COL23A1: variants seen among roughly 807,000 people sequenced by gnomAD.
The protein encoded by COL23A1 is collagen alpha-1(XXIII) chain.
Under a neutral mutation model 99.3 loss-of-function variants are expected in COL23A1, and 97 were observed. The observed-to-expected ratio is 0.98, with a 90% CI of 0.83 to 1.16. The LOEUF (loss-of-function observed/expected upper bound fraction) is 1.16. COL23A1 is among the 50% of genes most tolerant of loss of function. The probability of loss-of-function intolerance (pLI) is 0.00; values close to 1 mark genes in which losing one functional copy is unlikely to be tolerated. For synonymous variants in COL23A1, 320 were observed against 308.2 expected, an observed-to-expected ratio of 1.04 and a Z score of -0.40; for missense variants, 762 against 757.4, an observed-to-expected ratio of 1.01 and a Z score of -0.07.
At position 178,357,718 on chromosome 5, in the gene COL23A1, A is replaced by ATG. The variant is rs144352054; in HGVS notation, c.362-50801_362-50800dup. ...GTCAGGTCAGATTTAAAATGTGTGT[A>ATG]TGTGTGTGTGTGTGTGTGTATGTAC... On this transcript the variant is annotated intron_variant, in intron 2 of 28. Transcript: ENST00000390654. Among the ~76,000 whole-genome samples, 853 of 145,952 alleles carry ATG rather than the reference A, an allele frequency of 5.8e-3. 3 individuals are homozygous for ATG. The highest frequency in any genetic ancestry group is 0.013 in the African/African-American group (512 of 40,592).
intron 1 of COL23A1, among the ~76,000 whole-genome samples, chr5:178,569,148 T>C (rs1040486249): frequency 6.6e-6 from 1 of 152,208 alleles, no homozygotes; most frequent in Non-Finnish European, 1.5e-5. Flanking sequence ...TAATGACAAA[T>C]GATGTCGAGA....
At position 178,379,198 on chromosome 5, in the gene COL23A1, AC is replaced by A. The variant is rs201903759; in HGVS notation, c.362-72280del. Among the ~76,000 whole-genome samples the A allele has an allele frequency of 3.9e-3, 594 of 152,118 alleles. 4 individuals carry two copies. The highest frequency in any genetic ancestry group is 0.014 in the African/African-American group (568 of 41,436). On this transcript the variant is annotated intron_variant, in intron 2 of 28. Coordinates refer to ENST00000390654, the MANE Select transcript of COL23A1 (RefSeq NM_173465.4). The stretch of plus-strand genomic sequence containing the variant: ...TGTATCTATGAGACAATTAAAAAAA[AC>A]AAACAAACCAGAAAGCTCTCCAAGA...
At position 178,256,375 on chromosome 5, in the gene COL23A1, G is replaced by A. The variant is rs764002923; in HGVS notation, c.860C>T (p.Thr287Met). 16 of 1,606,990 alleles carry A rather than the reference G, an allele frequency of 1.0e-5. No homozygotes were observed. Among genetic ancestry groups the A allele is most frequent in the African/African-American group, 5.4e-5 (4 of 74,740 alleles). The stretch of plus-strand genomic sequence containing the variant: ...TACCCGGGGCCCTGCAGCTCCATCC[G>A]TGCCTCGGTGGCCAGGCTCCCCCTG... ...GPKGEPGHRG[T>M]DGAAGPRGAP... The change falls in exon 15 of 29, where the codon ACG (threonine) becomes ATG (methionine). Residue 287 changes from threonine (T) to methionine (M), a missense_variant. Coordinates refer to ENST00000390654, the MANE Select transcript of COL23A1 (RefSeq NM_173465.4).
rs1334659077 is a variant in COL23A1, at chr5:178,308,688, C to T, written c.362-1769G>A. ...CACCAGCATCTCAGACCAGTTGTGG[C>T]CCAAACACCTGCCTTGGTCTCCTCC... On this transcript the variant is annotated intron_variant, in intron 2 of 28. Coordinates refer to ENST00000390654, the MANE Select transcript of COL23A1 (RefSeq NM_173465.4). This position sits in a 1 kb window ranked among gnomAD's most constrained non-coding sequence, Gnocchi z 5.1. 3.3e-5 allele frequency among the ~76,000 whole-genome samples: 5 copies of T among 152,228 alleles called. No individual in the cohort carries two copies. Among genetic ancestry groups the T allele is most frequent in the Non-Finnish European group, 5.9e-5 (4 of 68,044 alleles).
intron 20 of COL23A1, 58 bp from the exon 21 acceptor site, chr5:178,247,889 AC>A: frequency 6.9e-7 from 1 of 1,456,534 alleles, no homozygotes; most frequent in Non-Finnish European, 9.5e-7. Flanking sequence ...ACCTACCCGC[AC>A]CCGAGCTCAT....
Position 178,242,343 on chromosome 5 carries a change from T to G in COL23A1, c.1492A>C (p.Lys498Gln), listed in dbSNP as rs897150476. ...EKGDRSERGEKGERGVPGRKG... is the reference protein window; with the variant it reads ...EKGDRSERGEQGERGVPGRKG... ...AGCTCCCGTCCAGCTGCCCTCACCT[T>G]CTCTCCACGCTCGCTCCGATCACCT... The change falls in exon 26 of 29, where the codon AAG becomes CAG. Residue 498 changes from lysine (K) to glutamine (Q), a missense_variant and splice_region_variant. By Grantham distance (53) the Lys-to-Gln change is moderately conservative. Coordinates refer to ENST00000390654, the MANE Select transcript of COL23A1 (RefSeq NM_173465.4). 4.3e-6 allele frequency: 7 copies of G among 1,613,766 alleles called. No individual in the cohort carries two copies. The highest frequency in any genetic ancestry group is 5.9e-6 in the Non-Finnish European group (7 of 1,179,884).
chr5:178,525,066 C>A (rs995273440), intron 2 of COL23A1, among the ~76,000 whole-genome samples: 12 of 149,442 alleles, frequency 8.0e-5, no homozygotes, highest in Admixed American at 4.0e-4. Context: ...AGCGCGCAGA[C>A]CCCAGGACCC....
chr5:178,383,501 T>G (rs1763496175), intron 2 of COL23A1, among the ~76,000 whole-genome samples: 1 of 152,224 alleles, frequency 6.6e-6, no homozygotes, highest in Non-Finnish European at 1.5e-5. Context: ...CTCTGCCACC[T>G]GCAGGCCTGG....
At chr5:178,401,877 G>A (rs779350193) in intron 2 of COL23A1, among the ~76,000 whole-genome samples, 5 of 152,044 alleles carry the variant, frequency 3.3e-5, no homozygotes, top group East Asian at 3.9e-4. Flanking sequence ...GTGCAATGGC[G>A]CAATCTCGGC....
chr5:178,259,526 C>T, intron 12 of COL23A1, among the ~76,000 whole-genome samples, 195 bp downstream of exon 12: 1 of 152,174 alleles, frequency 6.6e-6, no homozygotes, highest in East Asian at 1.9e-4. Context: ...TGAATTCTGG[C>T]CTCAGGGAGA....
chr5:178,245,601 CCCATCCAT>C (rs895332819), intron 25 of COL23A1, among the ~76,000 whole-genome samples: 3 of 148,902 alleles, frequency 2.0e-5, no homozygotes, highest in Non-Finnish European at 1.5e-5. Flanking sequence ...CATCCATTCA[CCCATCCAT>C]CCACCCATCC....
At chr5:178,338,730 T>C (rs1477512378) in intron 2 of COL23A1, among the ~76,000 whole-genome samples, 1 of 151,702 alleles carries the variant, frequency 6.6e-6, no homozygotes, top group Non-Finnish European at 1.5e-5. Flanking sequence ...ATTTGGTTAA[T>C]GGGGGGGTCC....
chr5:178,453,884 A>T (rs536025077), intron 2 of COL23A1, among the ~76,000 whole-genome samples: 3 of 152,330 alleles, frequency 2.0e-5, no homozygotes, highest in Admixed American at 6.5e-5. Context: ...CAGACCAGAG[A>T]TATTAACATA....
chr5:178,486,221 G>A (rs964515856), intron 2 of COL23A1, among the ~76,000 whole-genome samples: 3 of 152,218 alleles, frequency 2.0e-5, no homozygotes, highest in African/African-American at 7.2e-5. Context: ...ATGTGGGAGT[G>A]TTCGACAAGA....
At chr5:178,507,481 T>A (rs1036619978) in intron 2 of COL23A1, among the ~76,000 whole-genome samples, 1 of 152,222 alleles carries the variant, frequency 6.6e-6, no homozygotes, top group African/African-American at 2.4e-5. Flanking sequence ...CCCTGCTCTG[T>A]AAGACGCTGA....
At chr5:178,537,000 G>A (rs966849120) in intron 2 of COL23A1, among the ~76,000 whole-genome samples, 1 of 152,196 alleles carries the variant, frequency 6.6e-6, no homozygotes, top group Admixed American at 6.5e-5. Flanking sequence ...CACCGCCGAC[G>A]GCTGCTCCTC....
intron 2 of COL23A1, among the ~76,000 whole-genome samples, chr5:178,414,703 C>T (rs1267378094): frequency 6.6e-6 from 1 of 152,096 alleles, no homozygotes; most frequent in Non-Finnish European, 1.5e-5. Flanking sequence ...ACCCGGGAGG[C>T]GGAGGTTGCA....
chr5:178,303,089 C>T (rs1758159401), intron 3 of COL23A1, among the ~76,000 whole-genome samples: 1 of 152,180 alleles, frequency 6.6e-6, no homozygotes, highest in Non-Finnish European at 1.5e-5. Context: ...CAACCTCTGC[C>T]TCCTGGGTTC....
chr5:178,561,450 A>G (rs928911917), intron 1 of COL23A1, among the ~76,000 whole-genome samples: 2 of 152,148 alleles, frequency 1.3e-5, no homozygotes, highest in Admixed American at 1.3e-4. Flanking sequence ...CTCCCCTACA[A>G]TGCAGGGACT....
Sources: gnomAD v4.1 joint callset for allele counts (sites outside exome capture counted in the v4.1 genomes callset) on GRCh38, gnomAD v4.1.1 for gene constraint, Gnocchi (gnomAD v3.1) non-coding constraint, MANE v1.5 for transcripts, NCBI Gene and HGNC (gene_info 2026-07-23, HGNC 2026-07-21) for gene names.